The following CRYBG3 variants were observed in gnomAD, a reference collection of about 807,000 sequenced individuals.
CRYBG3 encodes very large A-kinase anchor protein.
In CRYBG3, 127 loss-of-function variants were observed where a neutral mutation model predicts 244.2. The ratio of observed to expected loss-of-function variants is 0.52; its 90% CI spans 0.45 to 0.60. The LOEUF (loss-of-function observed/expected upper bound fraction) is 0.60. CRYBG3 is among the 20% of genes least tolerant of loss of function. The pLI, the probability that CRYBG3 is intolerant of heterozygous loss-of-function variation, is 0.00. For missense variants in CRYBG3, 3,325 were observed against 3,442.5 expected (o/e 0.97, Z 0.85); for synonymous variants, 1,132 against 1,195.8 (o/e 0.95, Z 1.10).
At chr3:97,938,636 A>C (rs2040190116) in intron 19 of CRYBG3, among the ~76,000 whole-genome samples, 1 of 151,900 alleles carries the variant, frequency 6.6e-6, no homozygotes, top group South Asian at 2.1e-4. Context: ...CAGCTTGGTG[A>C]GTCACTTCAT....
rs369426954 is a variant in CRYBG3 at position 97,915,718 on chromosome 3, T to C, written c.8223T>C (p.Ser2741=). The change falls in exon 17 of 22, where the codon TCT becomes TCC. Residue 2741 remains serine (S), a synonymous_variant. Transcript: ENST00000389622. ...SCGCPASKVK[S]LKPIDYVFEE... is the part of the protein sequence containing the mutation. ...GTTGCCCAGCATCTAAAGTCAAATC[T>C]CTCAAGCCCATTGACTATGTAAGTA... 1.4e-5 allele frequency: 23 copies of C among 1,612,082 alleles called. 1 individual carries two copies. The East Asian group carries it at 2.5e-4, about 17-fold the overall frequency.
chr3:97,855,820 A>G (rs2039055928), intron 2 of CRYBG3, among the ~76,000 whole-genome samples: 2 of 152,164 alleles, frequency 1.3e-5, no homozygotes, highest in South Asian at 4.1e-4. Flanking sequence ...GGTCACAGAC[A>G]TTAAGTACTT....
rs539694701 is a variant in CRYBG3, at chr3:97,943,371, T to C, written c.*57T>C. The C allele has an allele frequency of 4.0e-6, 4 of 997,188 alleles. No homozygotes were observed. In the South Asian group the frequency reaches 4.1e-5, roughly 10 times the overall value. The allele number at this position is 997,188 out of a possible 1,614,324, so 61.8% of individuals were successfully genotyped here. ...AAGAGCAAAGAAGGAAACACATCTGTCATTGTCTTGTGGACGTGGAAAGGA... is the reference window on the plus strand; with the variant it reads ...AAGAGCAAAGAAGGAAACACATCTGCCATTGTCTTGTGGACGTGGAAAGGA... On this transcript the variant is annotated 3_prime_UTR_variant, in exon 22 of 22. Coordinates refer to ENST00000389622, the MANE Select transcript of CRYBG3 (RefSeq NM_153605.4).
intron 15 of CRYBG3, among the ~76,000 whole-genome samples, chr3:97,910,275 C>T (rs1418819710): frequency 1.3e-5 from 2 of 152,156 alleles, no homozygotes; most frequent in Admixed American, 1.3e-4. Flanking sequence ...GTGGGCTCCA[C>T]CCAGTTCGAG....
rs1267485892 is a variant in CRYBG3, at chr3:97,936,782, T to C, written c.8382-3T>C. ...ACTACTTTTTTCTTTCTTGTTCTCA[T>C]AGATGGATAGCTTATGAAGGATCCA... On this transcript the variant is annotated splice_polypyrimidine_tract_variant and splice_region_variant and intron_variant, in intron 18 of 21. Transcript: ENST00000389622. 1.2e-6 allele frequency: 2 copies of C among 1,611,512 alleles called. No individual in the cohort carries two copies. The highest frequency in any genetic ancestry group is 2.7e-5 in the African/African-American group (2 of 74,838).
chr3:97,843,445 G>A (rs1237155325), intron 2 of CRYBG3, among the ~76,000 whole-genome samples, 184 bp downstream of exon 2: 1 of 152,160 alleles, frequency 6.6e-6, no homozygotes, highest in African/African-American at 2.4e-5. Context: ...CTGGACAGGT[G>A]GGGAAAGGCT....
At chr3:97,879,060 A>G (rs1399816662) in intron 4 of CRYBG3, among the ~76,000 whole-genome samples, 1 of 152,214 alleles carries the variant, frequency 6.6e-6, no homozygotes, top group Non-Finnish European at 1.5e-5. Context: ...AAGCAAAGTC[A>G]TTTTAAAAGA....
chr3:97,875,764 A>T lies in CRYBG3; in HGVS notation c.4570A>T (p.Lys1524Ter), dbSNP rs1193239576. 8.1e-7 allele frequency: 1 copy of T among 1,231,960 alleles called. No individual in the cohort carries two copies. Among genetic ancestry groups the T allele is most frequent in the African/African-American group, 1.6e-5 (1 of 64,420 alleles). 76.3% of individuals were successfully genotyped at this position (1,231,960 alleles called of 1,614,324 possible). ...ACCTCTTGCAATGTCAGATGTAGGG[A>T]AAGTACACAAGAAGGATAATGAAAT... is the stretch of plus-strand genomic sequence containing the variant. ...NTPLAMSDVG[K>*]VHKKDNEINI... Residue 1524 changes from lysine (K) to a stop codon, truncating the protein, a stop_gained, in exon 4 of 22, where the codon AAA (lysine) becomes TAA (stop). Coordinates refer to ENST00000389622, the MANE Select transcript of CRYBG3 (RefSeq NM_153605.4). LOFTEE classifies it high-confidence loss of function.
At chr3:97,884,714 T>C (rs1241281572) in intron 7 of CRYBG3, among the ~76,000 whole-genome samples, 1 of 152,174 alleles carries the variant, frequency 6.6e-6, no homozygotes, top group Non-Finnish European at 1.5e-5. Context: ...TTTCTGTGAA[T>C]AGCCACCGTG....
At chr3:97,900,550 C>A in intron 15 of CRYBG3, 65 bp downstream of exon 15, 1 of 998,372 alleles carries the variant, frequency 1.0e-6, no homozygotes, top group South Asian at 1.4e-5. Flanking sequence ...CCCTTTCTCT[C>A]AAATCTTTCT....
chr3:97,906,770 T>G (rs932700194), intron 15 of CRYBG3, among the ~76,000 whole-genome samples: 1 of 152,068 alleles, frequency 6.6e-6, no homozygotes. Flanking sequence ...TGGCCAGAAC[T>G]TCCAACACTG....
chr3:97,920,884 T>C (rs1202521157), intron 17 of CRYBG3, among the ~76,000 whole-genome samples: 2 of 152,158 alleles, frequency 1.3e-5, no homozygotes, highest in Non-Finnish European at 2.9e-5. Context: ...CATGACTAAG[T>C]TTAGAGCCTC....
chr3:97,822,027 G>T lies in CRYBG3; in HGVS notation c.-180G>T. 1 of 439,560 alleles carries T rather than the reference G, an allele frequency of 2.3e-6. No individual in the cohort carries two copies. The highest frequency in any genetic ancestry group is 3.8e-6 in the Non-Finnish European group (1 of 262,816). The allele number at this position is 439,560 out of a possible 1,614,324, so 27.2% of individuals were successfully genotyped here. A position where few individuals can be genotyped will look rare whatever the true frequency, so the allele number is the denominator to read the frequency against. On this transcript the variant is annotated 5_prime_UTR_variant, in exon 1 of 22. Transcript: ENST00000389622. ...AGCCGCAGCGGCGTGAGGAGCTGCC[G>T]CGCGAGGAGCGCGTCGCGTCCGCAC...
chr3:97,889,095 C>T (rs2108230607), intron 9 of CRYBG3, among the ~76,000 whole-genome samples: 1 of 152,280 alleles, frequency 6.6e-6, no homozygotes, highest in South Asian at 2.1e-4. Context: ...CAGTTTCCTT[C>T]CTCATAGTAG....
intron 3 of CRYBG3, among the ~76,000 whole-genome samples, chr3:97,869,536 T>G (rs1396742236): frequency 1.3e-5 from 2 of 152,118 alleles, no homozygotes; most frequent in Admixed American, 1.3e-4. Flanking sequence ...ATAGAGAGAT[T>G]AATAAAAACA....
At chr3:97,836,045 T>C (rs2038728582) in intron 1 of CRYBG3, among the ~76,000 whole-genome samples, 1 of 152,018 alleles carries the variant, frequency 6.6e-6, no homozygotes, top group Non-Finnish European at 1.5e-5. Flanking sequence ...CTGCAGCCTG[T>C]GATTTAACTG....
At chr3:97,942,261 T>TAATC (rs1198948430) in intron 20 of CRYBG3, 23 bp from the exon 21 acceptor site, 1 of 1,576,416 alleles carries the variant, frequency 6.3e-7, no homozygotes, top group East Asian at 2.3e-5. Context: ...TACTGCCAAT[T>TAATC]AATCATTTCT....
At chr3:97,828,221 C>T (rs190407669) in intron 1 of CRYBG3, among the ~76,000 whole-genome samples, 1 of 152,212 alleles carries the variant, frequency 6.6e-6, no homozygotes, top group East Asian at 1.9e-4. Context: ...TAAATTGATA[C>T]ACCACTTTGG....
At chr3:97,879,655 T>G in intron 4 of CRYBG3, 49 bp from the exon 5 acceptor site, 1 of 1,339,964 alleles carries the variant, frequency 7.5e-7, no homozygotes, top group Non-Finnish European at 1.0e-6. Flanking sequence ...ATTATGCATC[T>G]TTTCACCGAT....
Sources: gnomAD v4.1 joint callset for allele counts (sites outside exome capture counted in the v4.1 genomes callset) on GRCh38, gnomAD v4.1.1 for gene constraint, MANE v1.5 for transcripts, NCBI Gene and HGNC (gene_info 2026-07-23, HGNC 2026-07-21) for gene names.